Variants in ZBTB20 observed in about 807,000 individuals in gnomAD.
The protein encoded by ZBTB20 is zinc finger and BTB domain containing 20.
ZBTB20 carries 9 observed loss-of-function variants against 56.9 expected under a neutral mutation model. The ratio of observed to expected loss-of-function variants is 0.16; its 90% CI spans 0.10 to 0.28. The LOEUF (loss-of-function observed/expected upper bound fraction) is 0.28, where lower values mean the gene tolerates loss of function less well. Ranked by LOEUF, ZBTB20 falls within the 10% of genes least tolerant of loss-of-function variation. The probability of loss-of-function intolerance (pLI) is 1.00; values close to 1 mark genes in which losing one functional copy is unlikely to be tolerated. For synonymous variants in ZBTB20, 417 were observed against 420.7 expected (o/e 0.99, Z 0.11); for missense variants, 655 against 1,003.0 (o/e 0.65, Z 4.69).
rs183193157 is a variant in ZBTB20 at position 114,436,859 on chromosome 3, A to T, written c.-254-47754T>A. The stretch of plus-strand genomic sequence containing the variant: ...GACTTCAACCCTTAAAAAACAAAAA[A>T]GAAAGGGGTGGGGTGGGTATAGTCA... On this transcript the variant is annotated intron_variant, in intron 7 of 11. Coordinates refer to ENST00000675478, the MANE Select transcript of ZBTB20 (RefSeq NM_001348800.3). Among the ~76,000 whole-genome samples the T allele has an allele frequency of 1.7e-3, 261 of 152,238 alleles. 2 individuals carry two copies. Among genetic ancestry groups the T allele is most frequent in the Non-Finnish European group, 3.2e-3 (218 of 68,010 alleles).
intron 6 of ZBTB20, among the ~76,000 whole-genome samples, chr3:114,614,805 G>GT (rs2057811267): frequency 6.6e-6 from 1 of 152,076 alleles, no homozygotes; most frequent in South Asian, 2.1e-4. Context: ...AGGCTGGAGT[G>GT]TGCAGTGGTG....
intron 3 of ZBTB20, among the ~76,000 whole-genome samples, chr3:114,945,621 A>G (rs2076859246): frequency 6.9e-6 from 1 of 145,672 alleles, no homozygotes; most frequent in Non-Finnish European, 1.5e-5. Flanking sequence ...TTAAGACAGA[A>G]GAAATGGGAA....
intron 4 of ZBTB20, among the ~76,000 whole-genome samples, chr3:114,832,879 A>G (rs2108964863): frequency 6.6e-6 from 1 of 152,284 alleles, no homozygotes; most frequent in Non-Finnish European, 1.5e-5. Context: ...TGTGAAGGTG[A>G]CTAGACTTAT....
intron 6 of ZBTB20, among the ~76,000 whole-genome samples, chr3:114,518,165 G>T (rs530820396): frequency 6.6e-6 from 1 of 152,232 alleles, no homozygotes; most frequent in Admixed American, 6.5e-5. Context: ...ATGGGTATTG[G>T]TTTGAGCAGG....
chr3:114,647,105 C>T lies in ZBTB20; in HGVS notation c.-295+46423G>A, dbSNP rs535608114. Among the ~76,000 whole-genome samples, 10 of 152,136 alleles carry T rather than the reference C, an allele frequency of 6.6e-5. No individual in the cohort carries two copies. In the South Asian group the frequency reaches 2.1e-3, roughly 32 times the overall value. On this transcript the variant is annotated intron_variant, in intron 6 of 11. Transcript: ENST00000675478. ...TCCCGAGTAGCTGGGACCACAGGCACCTGCCACCACGCCCAGCTAATTTTT... is the reference window on the plus strand; with the variant it reads ...TCCCGAGTAGCTGGGACCACAGGCATCTGCCACCACGCCCAGCTAATTTTT...
chr3:114,864,210 A>G (rs369079551), intron 4 of ZBTB20, among the ~76,000 whole-genome samples: 1 of 152,068 alleles, frequency 6.6e-6, no homozygotes, highest in East Asian at 1.9e-4. Flanking sequence ...GTTCATGACA[A>G]TGATAAAACA....
intron 6 of ZBTB20, among the ~76,000 whole-genome samples, chr3:114,677,030 C>T (rs571080211): frequency 6.6e-6 from 1 of 152,156 alleles, no homozygotes; most frequent in Non-Finnish European, 1.5e-5. Flanking sequence ...CTCGGCCTCC[C>T]AAAGTGCTGG....
At chr3:114,677,210 T>A (rs1295287897) in intron 6 of ZBTB20, among the ~76,000 whole-genome samples, 1 of 152,190 alleles carries the variant, frequency 6.6e-6, no homozygotes, top group Admixed American at 6.5e-5. Flanking sequence ...TTAAGGTAGA[T>A]CTTTAGTAAA....
chr3:114,652,608 A>G (rs923292395), intron 6 of ZBTB20, among the ~76,000 whole-genome samples: 8 of 152,040 alleles, frequency 5.3e-5, no homozygotes, highest in African/African-American at 1.9e-4. Flanking sequence ...ATATTTACAG[A>G]AAGTCTTGAA....
intron 3 of ZBTB20, among the ~76,000 whole-genome samples, chr3:114,968,925 A>G (rs2077759091): frequency 6.6e-6 from 1 of 152,120 alleles, no homozygotes; most frequent in Non-Finnish European, 1.5e-5. Context: ...AATCTGAAAT[A>G]CTTTGGCCTC....
chr3:114,978,654 T>G (rs1328339986), intron 2 of ZBTB20, among the ~76,000 whole-genome samples: 1 of 144,072 alleles, frequency 6.9e-6, no homozygotes, highest in African/African-American at 2.7e-5. Flanking sequence ...TAAGTATAGA[T>G]CTGTATGTAC....
chr3:114,522,364 G>A (rs2046739679), intron 6 of ZBTB20, among the ~76,000 whole-genome samples: 1 of 152,142 alleles, frequency 6.6e-6, no homozygotes, highest in African/African-American at 2.4e-5. Context: ...GAGCTAGGGT[G>A]GAGCGCTAAA....
At chr3:115,076,696 G>A (rs532909667) in intron 1 of ZBTB20, among the ~76,000 whole-genome samples, 1 of 152,238 alleles carries the variant, frequency 6.6e-6, no homozygotes, top group African/African-American at 2.4e-5. Context: ...AAACAGGTAA[G>A]ACTATACATC....
intron 6 of ZBTB20, among the ~76,000 whole-genome samples, chr3:114,608,170 AAAG>A (rs1475433242): frequency 6.6e-6 from 1 of 152,170 alleles, no homozygotes; most frequent in Non-Finnish European, 1.5e-5. Context: ...CACCAGTCTA[AAAG>A]AAGACTATTC....
chr3:114,629,788 T>TA (rs1207973669), intron 6 of ZBTB20, among the ~76,000 whole-genome samples: 5 of 152,282 alleles, frequency 3.3e-5, no homozygotes, highest in African/African-American at 9.6e-5. Context: ...AGAAAGTTAG[T>TA]TTAAATTATT....
chr3:114,449,980 G>A (rs569418290), intron 7 of ZBTB20, among the ~76,000 whole-genome samples: 3 of 152,220 alleles, frequency 2.0e-5, no homozygotes, highest in East Asian at 3.9e-4. Flanking sequence ...GAAAAGTTAA[G>A]GCAGGCAACT....
chr3:114,507,531 C>T (rs958435889), intron 6 of ZBTB20, among the ~76,000 whole-genome samples: 1 of 152,152 alleles, frequency 6.6e-6, no homozygotes. Flanking sequence ...TGACATTAAA[C>T]CGTCCAGTGC....
At chr3:114,966,714 T>C (rs1272929309) in intron 3 of ZBTB20, among the ~76,000 whole-genome samples, 3 of 151,732 alleles carry the variant, frequency 2.0e-5, no homozygotes, top group Non-Finnish European at 2.9e-5. Flanking sequence ...CGTTCACATA[T>C]ACCTATCAAT....
chr3:115,084,438 G>A (rs2082912371), intron 1 of ZBTB20, among the ~76,000 whole-genome samples: 1 of 151,580 alleles, frequency 6.6e-6, no homozygotes, highest in African/African-American at 2.4e-5. Flanking sequence ...TTGTTTATAG[G>A]CCATTTATAG....
Sources: gnomAD v4.1 joint callset for allele counts (sites outside exome capture counted in the v4.1 genomes callset) on GRCh38, gnomAD v4.1.1 for gene constraint, MANE v1.5 for transcripts, NCBI Gene and HGNC (gene_info 2026-07-23, HGNC 2026-07-21) for gene names.